The following RAPGEF2 variants were observed in gnomAD, a reference collection of about 807,000 sequenced individuals.
RAPGEF2 encodes the protein Rap guanine nucleotide exchange factor 2.
A neutral mutation model predicts 186.7 loss-of-function variants in RAPGEF2; 54 were observed. The observed-to-expected ratio is 0.29, with a 90% CI of 0.23 to 0.36. The LOEUF is 0.36. RAPGEF2 is among the 10% of genes least tolerant of loss of function. RAPGEF2 has a pLI of 1.00. For synonymous variants in RAPGEF2, 712 were observed against 705.9 expected, an observed-to-expected ratio of 1.01 and a Z score of -0.14; for missense variants, 1,532 against 2,045.0, an observed-to-expected ratio of 0.75 and a Z score of 4.84.
At chr4:159,171,569 G>A (rs9307986) in intron 1 of RAPGEF2, among the ~76,000 whole-genome samples, 73,122 of 151,844 alleles carry the variant, frequency 0.48, 19,300 homozygotes, top group African/African-American at 0.71. Context: ...GTGATTACCT[G>A]TTCTGTCCAC....
chr4:159,332,055 T>C (rs755738816), intron 16 of RAPGEF2, 21 bp downstream of exon 16: 1 of 1,485,548 alleles, frequency 6.7e-7, no homozygotes, highest in East Asian at 2.3e-5. Flanking sequence ...TGCATACTTT[T>C]CATTTTTCTC....
At chr4:159,139,727 G>T (rs1352372549) in intron 1 of RAPGEF2, among the ~76,000 whole-genome samples, 1 of 152,122 alleles carries the variant, frequency 6.6e-6, no homozygotes, top group Non-Finnish European at 1.5e-5. Flanking sequence ...ATTTCCCATT[G>T]TTCAGTGTTA....
In RAPGEF2 at chr4:159,332,558, C is replaced by A; in HGVS notation, c.1996C>A (p.Leu666Ile). ...KKASRYSIPD[L>I]AVDVEQVIGL... ...GGCCAGTCGCTACTCCATTCCAGAT[C>A]TTGCTGTAGATGTAGAACAGGTGAT... Residue 666 changes from leucine to isoleucine, a missense_variant, in exon 17 of 30, where the codon CTT (leucine) becomes ATT (isoleucine). This residue lies in a region of RAPGEF2 where 810 missense variants were observed against 1,210.5 expected (regional missense o/e 0.67). Coordinates refer to ENST00000691494, the MANE Select transcript of RAPGEF2 (RefSeq NM_001394067.2). The A allele has an allele frequency of 6.2e-7, 1 of 1,614,110 alleles. No homozygotes were observed. The highest frequency in any genetic ancestry group is 8.5e-7 in the Non-Finnish European group (1 of 1,180,010).
In RAPGEF2 at chr4:159,358,349, C is replaced by T. The variant is rs1248804580; in HGVS notation, c.*210C>T. ...GTGAAGAAATTGCCCTGGCACTTTT[C>T]AGACTTTGTTGCTTGAAATGCACAG... On this transcript the variant is annotated 3_prime_UTR_variant, in exon 30 of 30. Transcript: ENST00000691494. The T allele has an allele frequency of 1.8e-6, 1 of 545,606 alleles. No individual in the cohort carries two copies. Among genetic ancestry groups the T allele is most frequent in the Non-Finnish European group, 3.2e-6 (1 of 309,640 alleles). 33.8% of individuals were successfully genotyped at this position (545,606 alleles called of 1,614,324 possible).
chr4:159,207,691 T>C (rs1041341268), intron 3 of RAPGEF2, among the ~76,000 whole-genome samples: 1 of 152,242 alleles, frequency 6.6e-6, no homozygotes, highest in African/African-American at 2.4e-5. Context: ...TTTCTAGATT[T>C]TATTTCCTTG....
At chr4:159,258,123 G>A (rs1756398553) in intron 7 of RAPGEF2, among the ~76,000 whole-genome samples, 1 of 152,086 alleles carries the variant, frequency 6.6e-6, no homozygotes, top group South Asian at 2.1e-4. Flanking sequence ...AAATATTCTA[G>A]TATTATCTTT....
rs534925944 is a variant in RAPGEF2, at chr4:159,223,543, G to A, written c.281+12960G>A. 9.7e-4 allele frequency among the ~76,000 whole-genome samples: 148 copies of A among 152,178 alleles called. No individual in the cohort carries two copies. The Middle Eastern group carries it at 0.017, about 18-fold the overall frequency. ...TTGTTGTGTTTTATTATTATTTTAT[G>A]GTTCATTAGGGTAAATTTAGAAAAC... On this transcript the variant is annotated intron_variant, in intron 4 of 29. Coordinates refer to ENST00000691494, the MANE Select transcript of RAPGEF2 (RefSeq NM_001394067.2).
intron 8 of RAPGEF2, among the ~76,000 whole-genome samples, chr4:159,309,450 A>G (rs555359366): frequency 1.3e-5 from 2 of 152,334 alleles, no homozygotes; most frequent in Admixed American, 1.3e-4. Flanking sequence ...AATTTTAGGC[A>G]TTCAGTAAAG....
chr4:159,325,276 A>G (rs1022606843), intron 11 of RAPGEF2, among the ~76,000 whole-genome samples: 1 of 152,180 alleles, frequency 6.6e-6, no homozygotes, highest in Admixed American at 6.5e-5. Context: ...TTTGTATAAT[A>G]GAGGAAAACA....
intron 1 of RAPGEF2, among the ~76,000 whole-genome samples, chr4:159,156,992 GAATATGTATTATTT>G (rs1430162057): frequency 9.2e-5 from 14 of 152,152 alleles, no homozygotes; most frequent in Non-Finnish European, 1.3e-4. Context: ...AGGGGCTCAG[GAATATGTATTATTT>G]AAGAAGCTCA....
chr4:159,212,876 G>T (rs998688819), intron 4 of RAPGEF2, among the ~76,000 whole-genome samples: 46 of 152,198 alleles, frequency 3.0e-4, no homozygotes, highest in African/African-American at 1.1e-3. Context: ...AAGTAGTCAA[G>T]TAACAGCTTG....
rs1758479787 is a variant in RAPGEF2, at chr4:159,273,694, CTTT to C, written c.543+29904_543+29906del. Reference sequence around the variant, plus strand: ...TCTTTCTTTCTTTCTTTCTTTCTTTCTTTCTTTCTCAATTTAAATATTATATAA... The same window carrying C: ...TCTTTCTTTCTTTCTTTCTTTCTTTCCTTTCTCAATTTAAATATTATATAA... On this transcript the variant is annotated intron_variant, in intron 7 of 29. Coordinates refer to ENST00000691494, the MANE Select transcript of RAPGEF2 (RefSeq NM_001394067.2). Among the ~76,000 whole-genome samples the C allele has an allele frequency of 6.8e-5, 8 of 117,334 alleles. No individual in the cohort carries two copies. The East Asian group carries it at 1.9e-3, about 29-fold the overall frequency. 77.0% of individuals were successfully genotyped at this position (117,334 alleles called of 152,430 possible). A position where few individuals can be genotyped will look rare whatever the true frequency, so the allele number is the denominator to read the frequency against.
At chr4:159,308,834 C>G (rs1206321595) in intron 8 of RAPGEF2, among the ~76,000 whole-genome samples, 1 of 152,100 alleles carries the variant, frequency 6.6e-6, no homozygotes, top group Admixed American at 6.6e-5. Context: ...TCTTAGACTT[C>G]TGTTTTCTCT....
intron 9 of RAPGEF2, among the ~76,000 whole-genome samples, chr4:159,316,487 G>A (rs1209501378): frequency 1.3e-5 from 2 of 152,050 alleles, no homozygotes; most frequent in African/African-American, 4.8e-5. Context: ...CCTTCCGAAA[G>A]GCCCCAGTGT....
At chr4:159,261,984 T>A (rs1756929676) in intron 7 of RAPGEF2, among the ~76,000 whole-genome samples, 1 of 152,212 alleles carries the variant, frequency 6.6e-6, no homozygotes, top group Admixed American at 6.5e-5. Context: ...GCCTATCAAA[T>A]TATTTAAAAC....
chr4:159,157,411 T>C (rs1383760894), intron 1 of RAPGEF2, among the ~76,000 whole-genome samples: 1 of 152,180 alleles, frequency 6.6e-6, no homozygotes, highest in Non-Finnish European at 1.5e-5. Context: ...GGCATTACTG[T>C]TTTTATCTAT....
At chr4:159,269,087 C>A (rs565199613) in intron 7 of RAPGEF2, among the ~76,000 whole-genome samples, 181 of 152,160 alleles carry the variant, frequency 1.2e-3, no homozygotes, top group African/African-American at 4.0e-3. Context: ...TTCATGTATT[C>A]TAAAGAAGAT....
intron 1 of RAPGEF2, among the ~76,000 whole-genome samples, chr4:159,176,307 G>A (rs142049897): frequency 1.3e-5 from 2 of 152,244 alleles, no homozygotes; most frequent in East Asian, 3.9e-4. Context: ...TGCTCTGGAG[G>A]TAACAGGCAC....
At chr4:159,207,307 A>G (rs1384322916) in intron 3 of RAPGEF2, among the ~76,000 whole-genome samples, 1 of 152,232 alleles carries the variant, frequency 6.6e-6, no homozygotes, top group African/African-American at 2.4e-5. Flanking sequence ...AGGATGCTAG[A>G]GCATTCACTG....
Sources: allele counts gnomAD v4.1 joint callset (sites outside exome capture counted in the v4.1 genomes callset), GRCh38; gene constraint gnomAD v4.1.1; regional missense constraint gnomAD v4.1.1; transcripts MANE v1.5; gene names NCBI Gene and HGNC (gene_info 2026-07-23, HGNC 2026-07-21).